Variants in PABPC4L observed in about 807,000 individuals in gnomAD.
PABPC4L encodes the protein poly(A) binding protein cytoplasmic 4 like, also known as polyadenylate-binding protein 4-like.
For synonymous variants in PABPC4L, 169 were observed against 164.1 expected (o/e 1.03, Z -0.23); for missense variants, 452 against 451.4 (o/e 1.00, Z -0.01).
the PABPC4L span, among the ~76,000 whole-genome samples, chr4:134,012,961 G>T: frequency 6.6e-6 from 1 of 152,070 alleles, no homozygotes; most frequent in Non-Finnish European, 1.5e-5. Context: ...GGACTGGAAA[G>T]GCAGCCTTCT....
chr4:133,992,205 A>C, the PABPC4L span, among the ~76,000 whole-genome samples: 1 of 152,168 alleles, frequency 6.6e-6, no homozygotes, highest in East Asian at 1.9e-4. Context: ...TCGCCCTGCA[A>C]ATGGCAGTGG....
chr4:134,186,853 TCAAA>T, the PABPC4L span, among the ~76,000 whole-genome samples: 1 of 151,498 alleles, frequency 6.6e-6, no homozygotes, highest in Non-Finnish European at 1.5e-5. Context: ...CATGAAAAAA[TCAAA>T]CAACCCCATC....
At chr4:133,998,779 T>C in the PABPC4L span, among the ~76,000 whole-genome samples, 1 of 152,010 alleles carries the variant, frequency 6.6e-6, no homozygotes, top group Non-Finnish European at 1.5e-5. Context: ...ATATTTTTCT[T>C]TTGCAATCAT....
chr4:134,118,444 A>C, the PABPC4L span, among the ~76,000 whole-genome samples: 10 of 151,876 alleles, frequency 6.6e-5, no homozygotes, highest in Admixed American at 1.3e-4. Flanking sequence ...GTAATTTTAT[A>C]AATGATATTT....
chr4:134,028,129 G>A, the PABPC4L span, among the ~76,000 whole-genome samples: 4 of 152,078 alleles, frequency 2.6e-5, no homozygotes, highest in Non-Finnish European at 5.9e-5. Context: ...CTCCAGCCCA[G>A]AAACTCTGAA....
the PABPC4L span, among the ~76,000 whole-genome samples, chr4:134,025,603 A>G: frequency 2.0e-5 from 3 of 152,126 alleles, no homozygotes; most frequent in African/African-American, 7.2e-5. Flanking sequence ...TATATTTCAC[A>G]TATTTATTTT....
At chr4:134,109,303 T>C in the PABPC4L span, among the ~76,000 whole-genome samples, 1 of 151,916 alleles carries the variant, frequency 6.6e-6, no homozygotes. Context: ...AAACATTTGG[T>C]GGCTTTTAGA....
At chr4:133,976,933 C>T in the PABPC4L span, among the ~76,000 whole-genome samples, 1 of 151,728 alleles carries the variant, frequency 6.6e-6, no homozygotes, top group African/African-American at 2.4e-5. Flanking sequence ...TCCCATTTGT[C>T]AATTTTTGCT....
the PABPC4L span, among the ~76,000 whole-genome samples, chr4:134,125,438 C>T: frequency 6.6e-6 from 1 of 152,056 alleles, no homozygotes; most frequent in African/African-American, 2.4e-5. Context: ...ACATCCTCCT[C>T]TTAAAAGGGC....
At chr4:134,137,346 C>T in the PABPC4L span, among the ~76,000 whole-genome samples, 1 of 151,832 alleles carries the variant, frequency 6.6e-6, no homozygotes, top group South Asian at 2.1e-4. Context: ...AAGTATACTT[C>T]TCCTTTACTC....
At chr4:134,141,286 A>G in the PABPC4L span, among the ~76,000 whole-genome samples, 147,943 of 151,432 alleles carry the variant, frequency 0.98, 72,286 homozygotes, top group East Asian at 1. Context: ...TCTGAAATGT[A>G]TCTGGTAGAA....
chr4:134,089,368 G>A, the PABPC4L span, among the ~76,000 whole-genome samples: 6 of 151,982 alleles, frequency 3.9e-5, no homozygotes, highest in Admixed American at 6.6e-5. Flanking sequence ...AGTGCTATAT[G>A]CGTTGCAATT....
At chr4:134,076,923 C>A in the PABPC4L span, among the ~76,000 whole-genome samples, 5 of 152,192 alleles carry the variant, frequency 3.3e-5, no homozygotes, top group East Asian at 9.7e-4. Flanking sequence ...AAAGAGATTG[C>A]CTGTCATAGC....
At chr4:133,974,335 C>T in the PABPC4L span, among the ~76,000 whole-genome samples, 5 of 152,076 alleles carry the variant, frequency 3.3e-5, no homozygotes, top group African/African-American at 1.2e-4. Context: ...CTACCTCACA[C>T]TGTACACAAA....
chr4:134,186,369 C>T, the PABPC4L span, among the ~76,000 whole-genome samples: 4 of 152,106 alleles, frequency 2.6e-5, no homozygotes, highest in South Asian at 8.3e-4. Flanking sequence ...AGAATAGAGT[C>T]CCTGGAAATA....
chr4:134,155,877 G>A, the PABPC4L span, among the ~76,000 whole-genome samples: 1 of 151,932 alleles, frequency 6.6e-6, no homozygotes, highest in Non-Finnish European at 1.5e-5. Context: ...ATAGCTGTTA[G>A]TTTCTAAGTA....
At chr4:134,074,123 T>C in the PABPC4L span, among the ~76,000 whole-genome samples, 2 of 152,326 alleles carry the variant, frequency 1.3e-5, no homozygotes, top group Non-Finnish European at 2.9e-5. Context: ...TTCTATTGCA[T>C]TGTCAGGATG....
At position 134,199,926 on chromosome 4, in the gene PABPC4L, G is replaced by T. The variant is rs1201285897; in HGVS notation, c.1094C>A (p.Ala365Asp). ...TCTTTCCTAGTGTCTCTGGGCCAAG[G>T]CAATGCTAAGAGGTTTGGAGCCCAA... ...RILGSKPLSI[A>D]LAQRH is the part of the protein sequence containing the mutation. Residue 365 changes from alanine to aspartate, a missense_variant, in exon 2 of 2, where the codon GCC (alanine) becomes GAC (aspartate). Coordinates refer to ENST00000421491, the MANE Select transcript of PABPC4L (RefSeq NM_001114734.2). The T allele has an allele frequency of 6.4e-7, 1 of 1,551,528 alleles. No individual in the cohort carries two copies. Among genetic ancestry groups the T allele is most frequent in the African/African-American group, 1.4e-5 (1 of 73,126 alleles).
the PABPC4L span, among the ~76,000 whole-genome samples, chr4:134,154,945 C>T: frequency 6.6e-6 from 1 of 152,008 alleles, no homozygotes; most frequent in Middle Eastern, 3.4e-3. Context: ...AAAACTTCAA[C>T]CGAATATTGT....
Sources: gnomAD v4.1 joint callset for allele counts (sites outside exome capture counted in the v4.1 genomes callset) on GRCh38, gnomAD v4.1.1 for gene constraint, MANE v1.5 for transcripts, NCBI Gene and HGNC (gene_info 2026-07-23, HGNC 2026-07-21) for gene names.